Variants in OCA2 observed in about 807,000 individuals in gnomAD.
The protein encoded by OCA2 is OCA2 melanosomal transmembrane protein, also known as P protein.
A neutral mutation model predicts 100.2 loss-of-function variants in OCA2; 77 were observed. The ratio of observed to expected loss-of-function variants is 0.77; its 90% CI spans 0.64 to 0.93. OCA2 has a LOEUF of 0.93. OCA2 is among the 40% of genes least tolerant of loss of function. The probability of loss-of-function intolerance (pLI) is 0.00; values close to 1 mark genes in which losing one functional copy is unlikely to be tolerated. For missense variants in OCA2, 1,062 were observed against 1,089.1 expected, an observed-to-expected ratio of 0.98 and a Z score of 0.35; for synonymous variants, 432 against 439.2, an observed-to-expected ratio of 0.98 and a Z score of 0.21.
intron 2 of OCA2, among the ~76,000 whole-genome samples, chr15:28,032,387 G>A (rs550629053): frequency 1.4e-4 from 22 of 152,264 alleles, no homozygotes; most frequent in Admixed American, 1.2e-3. Context: ...GCAGAAACTC[G>A]CACAGGAGAC....
chr15:28,038,240 C>G lies in OCA2; in HGVS notation c.228-6077G>C, dbSNP rs1457796458. 3.3e-5 allele frequency among the ~76,000 whole-genome samples: 5 copies of G among 152,148 alleles called. No homozygotes were observed. The East Asian group carries it at 9.6e-4, about 29-fold the overall frequency. ...ACCCCAAAAGCAACCACACAGAACA[C>G]AGCCAAACATGTTTCCCATAGACAG... On this transcript the variant is annotated intron_variant, in intron 2 of 23. Transcript: ENST00000354638.
chr15:27,948,841 C>T (rs1416089485), intron 18 of OCA2, among the ~76,000 whole-genome samples: 2 of 152,122 alleles, frequency 1.3e-5, no homozygotes, highest in Non-Finnish European at 2.9e-5. Flanking sequence ...AAGCCAGTCT[C>T]GAAAGGTGGC....
intron 23 of OCA2, among the ~76,000 whole-genome samples, chr15:27,770,783 T>TTCCTTCCTCTCTCCCTCCCTCCCTTCCA (rs1566948668): frequency 5.5e-5 from 3 of 54,624 alleles, no homozygotes; most frequent in Admixed American, 2.9e-4. Context: ...CCTTCCATCC[T>TTCCTTCCTCTCTCCCTCCCTCCCTTCCA]TCCTTCCTCC....
At chr15:27,768,277 A>G (rs2031436174) in intron 23 of OCA2, among the ~76,000 whole-genome samples, 1 of 152,232 alleles carries the variant, frequency 6.6e-6, no homozygotes, top group Admixed American at 6.5e-5. Flanking sequence ...TACTGAGAAA[A>G]GAAATATAGC....
At chr15:27,971,525 G>A (rs2040791470) in intron 14 of OCA2, among the ~76,000 whole-genome samples, 1 of 152,134 alleles carries the variant, frequency 6.6e-6, no homozygotes, top group South Asian at 2.1e-4. Flanking sequence ...CTTACCCAAG[G>A]GAGGCTTGTG....
At chr15:27,858,323 G>A (rs1268470857) in intron 21 of OCA2, among the ~76,000 whole-genome samples, 3 of 147,812 alleles carry the variant, frequency 2.0e-5, no homozygotes, top group Admixed American at 1.4e-4. Flanking sequence ...GCAGTGAGCC[G>A]AGATCACACC....
chr15:27,719,247 C>CT, the OCA2 span, among the ~76,000 whole-genome samples: 1 of 152,160 alleles, frequency 6.6e-6, no homozygotes, highest in Non-Finnish European at 1.5e-5. Context: ...GGTCTTCCTT[C>CT]CTTGCCTTGC....
intron 18 of OCA2, among the ~76,000 whole-genome samples, chr15:27,934,119 T>A (rs2039363949): frequency 6.7e-6 from 1 of 149,834 alleles, no homozygotes; most frequent in Admixed American, 6.7e-5. Flanking sequence ...AACCATATAT[T>A]TTTTTAAGCA....
chr15:28,003,045 G>T (rs1595799268), intron 9 of OCA2, among the ~76,000 whole-genome samples: 1 of 152,258 alleles, frequency 6.6e-6, no homozygotes, highest in South Asian at 2.1e-4. Flanking sequence ...GTTCTGAAGT[G>T]ATGATGCCCA....
At chr15:27,723,096 C>G in the OCA2 span, among the ~76,000 whole-genome samples, 1 of 151,942 alleles carries the variant, frequency 6.6e-6, no homozygotes, top group Non-Finnish European at 1.5e-5. Context: ...GCCCGCCTCA[C>G]CCTCCCAAAG....
intron 14 of OCA2, among the ~76,000 whole-genome samples, chr15:27,972,139 A>G (rs545796417): frequency 3.9e-4 from 60 of 152,348 alleles, no homozygotes; most frequent in African/African-American, 1.4e-4. Context: ...AGTTGCTGCA[A>G]AAGACATTAG....
At chr15:28,006,777 A>C (rs912742770) in intron 9 of OCA2, among the ~76,000 whole-genome samples, 3 of 152,246 alleles carry the variant, frequency 2.0e-5, no homozygotes, top group Admixed American at 1.3e-4. Context: ...GGGCAGAGCC[A>C]ATGGCTACAG....
chr15:28,036,089 T>A (rs1423712109), intron 2 of OCA2, among the ~76,000 whole-genome samples: 1 of 152,222 alleles, frequency 6.6e-6, no homozygotes, highest in Non-Finnish European at 1.5e-5. Flanking sequence ...TTTCACAGGT[T>A]ATCAAATATT....
intron 2 of OCA2, among the ~76,000 whole-genome samples, chr15:28,066,212 T>A (rs1055277658): frequency 3.3e-5 from 5 of 152,182 alleles, no homozygotes; most frequent in Admixed American, 1.3e-4. Flanking sequence ...CACCTATCAC[T>A]GAAAACTATA....
chr15:27,850,512 C>G (rs1229928922), intron 22 of OCA2, among the ~76,000 whole-genome samples: 1 of 152,036 alleles, frequency 6.6e-6, no homozygotes, highest in Non-Finnish European at 1.5e-5. Flanking sequence ...AATTTCAGCA[C>G]TCAATTTCAA....
intron 13 of OCA2, among the ~76,000 whole-genome samples, chr15:27,983,960 T>C (rs536997974): frequency 7.2e-4 from 109 of 150,942 alleles, no homozygotes; most frequent in Non-Finnish European, 1.3e-3. Flanking sequence ...ATTTTCTATG[T>C]ATTTACTTTG....
At chr15:28,076,314 C>T (rs950760586) in intron 2 of OCA2, among the ~76,000 whole-genome samples, 2 of 152,158 alleles carry the variant, frequency 1.3e-5, no homozygotes, top group East Asian at 1.9e-4. Flanking sequence ...CAGATGTAAA[C>T]GCTGCCTTAA....
chr15:27,876,458 A>G (rs1169500421), intron 19 of OCA2, among the ~76,000 whole-genome samples: 1 of 152,016 alleles, frequency 6.6e-6, no homozygotes, highest in African/African-American at 2.4e-5. Flanking sequence ...AGACCTACAA[A>G]ATAAGTGGGG....
chr15:27,859,671 T>C (rs139003588), intron 21 of OCA2, among the ~76,000 whole-genome samples: 2 of 152,318 alleles, frequency 1.3e-5, no homozygotes, highest in Non-Finnish European at 2.9e-5. Context: ...ACTCATTCCA[T>C]GAGGCCAGCA....
Sources: allele counts gnomAD v4.1 joint callset (sites outside exome capture counted in the v4.1 genomes callset), GRCh38; gene constraint gnomAD v4.1.1; transcripts MANE v1.5; gene names NCBI Gene and HGNC (gene_info 2026-07-23, HGNC 2026-07-21).